Variants in SNX29 observed in about 807,000 individuals in gnomAD.
The protein encoded by SNX29 is sorting nexin 29, also known as sorting nexin-29.
SNX29 carries 78 observed loss-of-function variants against 102.1 expected under a neutral mutation model. The ratio of observed to expected loss-of-function variants is 0.76; its 90% CI spans 0.64 to 0.92. The LOEUF (loss-of-function observed/expected upper bound fraction) is 0.92. Ranked by LOEUF, SNX29 falls within the 40% of genes least tolerant of loss-of-function variation. The pLI is 0.00. For missense variants in SNX29, 1,280 were observed against 1,061.7 expected (o/e 1.21, Z -2.86); for synonymous variants, 580 against 414.5 (o/e 1.40, Z -4.85).
intron 14 of SNX29, among the ~76,000 whole-genome samples, chr16:12,268,608 T>C (rs1390470419): frequency 1.3e-5 from 2 of 152,176 alleles, no homozygotes; most frequent in Admixed American, 1.3e-4. Context: ...CTGTAAAGTG[T>C]CCCAAATTTC....
At chr16:12,363,855 T>G (rs989170765) in intron 16 of SNX29, among the ~76,000 whole-genome samples, 1 of 152,200 alleles carries the variant, frequency 6.6e-6, no homozygotes, top group African/African-American at 2.4e-5. Flanking sequence ...GGGTTGAGCA[T>G]CCCTAATCCA....
At chr16:12,274,034 T>C (rs1045577875) in intron 14 of SNX29, among the ~76,000 whole-genome samples, 1 of 152,230 alleles carries the variant, frequency 6.6e-6, no homozygotes, top group Admixed American at 6.5e-5. Flanking sequence ...AAGTATTCTC[T>C]GGCTCCCTTT....
chr16:12,449,025 C>T (rs936111281), intron 18 of SNX29, among the ~76,000 whole-genome samples: 3 of 152,118 alleles, frequency 2.0e-5, no homozygotes, highest in Admixed American at 6.6e-5. Flanking sequence ...TTAGTTTCAA[C>T]GTACATGTAC....
chr16:12,346,806 T>C (rs1348851591), intron 15 of SNX29, among the ~76,000 whole-genome samples: 1 of 152,192 alleles, frequency 6.6e-6, no homozygotes, highest in African/African-American at 2.4e-5. Context: ...AGGGCTGTTG[T>C]AGGGGCCAGG....
At chr16:12,090,342 C>T (rs535441264) in intron 11 of SNX29, 1 of 152,358 alleles carries the variant, frequency 6.6e-6, no homozygotes, top group Admixed American at 6.5e-5. Flanking sequence ...AGCGGCGGGG[C>T]TCTAGTTCTT....
At chr16:12,401,842 C>T (rs2083957032) in intron 17 of SNX29, among the ~76,000 whole-genome samples, 1 of 152,194 alleles carries the variant, frequency 6.6e-6, no homozygotes, top group African/African-American at 2.4e-5. Context: ...AATGAACTAA[C>T]ATCTAGGAGG....
At chr16:12,061,997 A>G (rs1031783353) in intron 9 of SNX29, among the ~76,000 whole-genome samples, 3 of 152,116 alleles carry the variant, frequency 2.0e-5, no homozygotes, top group Non-Finnish European at 4.4e-5. Flanking sequence ...CTCTTTGGAG[A>G]TGCAAGAAGG....
chr16:12,008,253 C>G (rs1236093177), intron 3 of SNX29, among the ~76,000 whole-genome samples: 8 of 145,644 alleles, frequency 5.5e-5, no homozygotes, highest in African/African-American at 2.0e-4. Context: ...CTGCTTTTCG[C>G]TACTTTTTCA....
At chr16:12,529,562 G>T (rs1343889586) in intron 20 of SNX29, among the ~76,000 whole-genome samples, 2 of 152,142 alleles carry the variant, frequency 1.3e-5, no homozygotes, top group African/African-American at 4.8e-5. Context: ...ATGTTCTCCT[G>T]CTCCTTGAGG....
At chr16:12,422,774 A>T (rs905925074) in intron 18 of SNX29, among the ~76,000 whole-genome samples, 3 of 152,232 alleles carry the variant, frequency 2.0e-5, no homozygotes, top group African/African-American at 7.2e-5. Context: ...CATGGCCGCC[A>T]GCTCAGCTGC....
intron 18 of SNX29, among the ~76,000 whole-genome samples, chr16:12,406,549 C>T (rs1260802390): frequency 6.6e-6 from 1 of 152,210 alleles, no homozygotes; most frequent in East Asian, 1.9e-4. Context: ...CTCCCTGGTA[C>T]TGGAGCTGCG....
At position 12,204,433 on chromosome 16, in the gene SNX29, T is replaced by C. The variant is rs551763739; in HGVS notation, c.1678+4750T>C. Among the ~76,000 whole-genome samples the C allele has an allele frequency of 3.2e-4, 48 of 152,342 alleles. 1 individual carries two copies. The highest frequency in any genetic ancestry group is 1.1e-3 in the African/African-American group (45 of 41,576). Reference sequence around the variant, plus strand: ...GTGTCTGCTCCTGTGCTGTAAAGCTTTTCCTCCTACCTCCCCTCTTACTGG... The same window carrying C: ...GTGTCTGCTCCTGTGCTGTAAAGCTCTTCCTCCTACCTCCCCTCTTACTGG... On this transcript the variant is annotated intron_variant, in intron 14 of 20. Transcript: ENST00000566228.
intron 20 of SNX29, among the ~76,000 whole-genome samples, chr16:12,560,550 C>T (rs375410201): frequency 9.9e-5 from 15 of 152,168 alleles, no homozygotes; most frequent in Admixed American, 2.0e-4. Flanking sequence ...CTGGTTGAAA[C>T]GTTGCTCAGT....
chr16:12,089,912 G>A, intron 11 of SNX29: 1 of 306,884 alleles, frequency 3.3e-6, no homozygotes, highest in South Asian at 2.6e-5. Flanking sequence ...CTCGGGGTAG[G>A]GAGTCCTGAG....
chr16:12,544,283 G>A (rs560587852), intron 20 of SNX29, among the ~76,000 whole-genome samples: 1 of 152,294 alleles, frequency 6.6e-6, no homozygotes, highest in South Asian at 2.1e-4. Context: ...TACACTCTCA[G>A]TACGGCATCC....
intron 15 of SNX29, among the ~76,000 whole-genome samples, chr16:12,330,136 G>A (rs368367003): frequency 2.2e-4 from 34 of 152,214 alleles, no homozygotes; most frequent in African/African-American, 7.7e-4. Flanking sequence ...TTGTTGTTGC[G>A]GGAGGCTCAG....
intron 20 of SNX29, among the ~76,000 whole-genome samples, chr16:12,535,840 A>C (rs762498165): frequency 1.3e-5 from 2 of 152,152 alleles, no homozygotes; most frequent in South Asian, 2.1e-4. Context: ...CTCAGTGCTT[A>C]GATCGGCCAT....
chr16:12,545,206 G>A (rs760394827), intron 20 of SNX29, among the ~76,000 whole-genome samples: 2 of 152,170 alleles, frequency 1.3e-5, no homozygotes, highest in Admixed American at 6.5e-5. Context: ...AAAAGGAAGG[G>A]GTGGGGCAGG....
At chr16:12,377,679 T>G (rs569738657) in intron 16 of SNX29, among the ~76,000 whole-genome samples, 2 of 152,238 alleles carry the variant, frequency 1.3e-5, no homozygotes, top group South Asian at 4.1e-4. Context: ...GTTACGGTGG[T>G]GATGGGAATG....
Sources: allele counts gnomAD v4.1 joint callset (sites outside exome capture counted in the v4.1 genomes callset), GRCh38; gene constraint gnomAD v4.1.1; transcripts MANE v1.5; gene names NCBI Gene and HGNC (gene_info 2026-07-23, HGNC 2026-07-21).